The following SRGAP1 variants were observed in gnomAD, a reference collection of about 807,000 sequenced individuals.
The protein encoded by SRGAP1 is SLIT-ROBO Rho GTPase activating protein 1.
SRGAP1 carries 43 observed loss-of-function variants against 121.9 expected under a neutral mutation model. That is an observed-to-expected ratio of 0.35 (90% CI 0.28 to 0.46). The LOEUF is 0.46. Ranked by LOEUF, SRGAP1 falls within the 20% of genes least tolerant of loss-of-function variation. The probability of loss-of-function intolerance (pLI) is 1.00; values close to 1 mark genes in which losing one functional copy is unlikely to be tolerated. For missense variants in SRGAP1, 1,102 were observed against 1,350.9 expected, an observed-to-expected ratio of 0.82 and a Z score of 2.89; for synonymous variants, 447 against 485.4, an observed-to-expected ratio of 0.92 and a Z score of 1.04.
At chr12:64,103,738 T>C (rs896013594) in intron 15 of SRGAP1, among the ~76,000 whole-genome samples, 4 of 152,232 alleles carry the variant, frequency 2.6e-5, no homozygotes, top group Admixed American at 6.5e-5. Context: ...AAGACTCAGT[T>C]TCTTTACTAA....
chr12:64,000,603 A>G (rs1220924357), intron 3 of SRGAP1, among the ~76,000 whole-genome samples: 1 of 152,108 alleles, frequency 6.6e-6, no homozygotes, highest in African/African-American at 2.4e-5. Context: ...TCAGAGTGAC[A>G]CCCTGTCTAA....
chr12:63,877,553 G>A (rs1374203418), intron 1 of SRGAP1, among the ~76,000 whole-genome samples: 1 of 152,156 alleles, frequency 6.6e-6, no homozygotes, highest in African/African-American at 2.4e-5. Context: ...TTGTTGGGTA[G>A]GTGGAACATT....
chr12:64,034,017 G>T (rs983525283), intron 4 of SRGAP1, among the ~76,000 whole-genome samples: 3 of 152,156 alleles, frequency 2.0e-5, no homozygotes, highest in African/African-American at 4.8e-5. Flanking sequence ...GACAGAGTGA[G>T]ACTCTGTCTC....
Position 64,065,142 on chromosome 12 carries a change from C to G in SRGAP1, c.1048C>G (p.Pro350Ala), listed in dbSNP as rs1174245917. Residue 350 changes from proline to alanine, a missense_variant, in exon 8 of 22, where the codon CCA (proline) becomes GCA (alanine). Coordinates refer to ENST00000355086, the MANE Select transcript of SRGAP1 (RefSeq NM_020762.4). ...GGTGTGCCAGGTCAGTGCCCAGCAG[C>G]CAGTCCAGGCAGAGCTCATGCTCAG... ...DEVCQVSAQQPVQAELMLRYQ... is the reference protein window; with the variant it reads ...DEVCQVSAQQAVQAELMLRYQ... 6.2e-7 allele frequency: 1 copy of G among 1,613,352 alleles called. No individual in the cohort carries two copies. Among genetic ancestry groups the G allele is most frequent in the South Asian group, 1.1e-5 (1 of 90,932 alleles).
rs2036983311 is a variant in SRGAP1, at chr12:64,142,566, A to C, written c.3152A>C (p.Lys1051Thr). 1 of 1,614,238 alleles carries C rather than the reference A, an allele frequency of 6.2e-7. No individual in the cohort carries two copies. The highest frequency in any genetic ancestry group is 8.5e-7 in the Non-Finnish European group (1 of 1,180,048). Residue 1051 changes from lysine to threonine, a missense_variant, in exon 22 of 22, where the codon AAG becomes ACG. Physicochemically the swap from Lys to Thr is moderately conservative, Grantham distance 78 (BLOSUM62 -1). Around this residue, in one of 3 missense-constraint regions of SRGAP1, gnomAD observed 315 missense variants for 343.1 expected, o/e 0.92. Transcript: ENST00000355086. ...MVAPRMGVQL[K>T]PPALRPKPAV... ...GCACCCAGAATGGGCGTGCAGCTGA[A>C]GCCTCCAGCCCTTAGGCCAAAACCT...
chr12:63,858,543 T>C (rs55907605), intron 1 of SRGAP1, among the ~76,000 whole-genome samples: 43,034 of 151,982 alleles, frequency 0.28, 7,029 homozygotes, highest in East Asian at 0.55. Context: ...ATTTTGAAAC[T>C]TTGAAATATT....
chr12:64,139,805 A>T lies in SRGAP1; in HGVS notation c.2881-2490A>T, dbSNP rs1592357685. 4.6e-5 allele frequency among the ~76,000 whole-genome samples: 7 copies of T among 152,240 alleles called. 3 individuals are homozygous for T. The highest frequency in any genetic ancestry group is 4.6e-4 in the Admixed American group (7 of 15,284). ...CATTGCTTTTGGTGTTTTAGACATG[A>T]AGTCCTTGCCCATGCCTATGTCCTG... On this transcript the variant is annotated intron_variant, in intron 21 of 21. Coordinates refer to ENST00000355086, the MANE Select transcript of SRGAP1 (RefSeq NM_020762.4).
chr12:64,039,235 T>C (rs2034959222), intron 4 of SRGAP1, among the ~76,000 whole-genome samples: 1 of 152,200 alleles, frequency 6.6e-6, no homozygotes. Flanking sequence ...GAAATTTGCT[T>C]TCCGGAAATT....
intron 8 of SRGAP1, among the ~76,000 whole-genome samples, chr12:64,077,266 C>G (rs1030551998): frequency 6.6e-6 from 1 of 151,896 alleles, no homozygotes; most frequent in Non-Finnish European, 1.5e-5. Flanking sequence ...AAGAAAATAA[C>G]TGCTGCACAG....
At chr12:63,913,191 C>CT (rs1565947652) in intron 1 of SRGAP1, among the ~76,000 whole-genome samples, 16 of 111,800 alleles carry the variant, frequency 1.4e-4, no homozygotes, top group Non-Finnish European at 2.0e-4. Flanking sequence ...CTGGTAAATC[C>CT]TTCTTTTTTT....
At chr12:63,929,094 G>T (rs1391876933) in intron 1 of SRGAP1, among the ~76,000 whole-genome samples, 1 of 152,192 alleles carries the variant, frequency 6.6e-6, no homozygotes, top group East Asian at 1.9e-4. Flanking sequence ...TTACATGTGT[G>T]TACACAATTG....
At position 64,108,937 on chromosome 12, in the gene SRGAP1, G is replaced by A. The variant is rs1465529452; in HGVS notation, c.1819G>A (p.Asp607Asn). The change falls in exon 16 of 22, where the codon GAT becomes AAT. Residue 607 changes from aspartate to asparagine, a missense_variant. Physicochemically the swap from Asp to Asn is conservative, Grantham distance 23. This residue lies in a region of SRGAP1 where 747 missense variants were observed against 929.4 expected (regional missense o/e 0.80). Transcript: ENST00000355086. ...ATGTCATCTTCTGTCTGTAGGAATA[G>A]ATAATCTCTATGAGAGGGCGCTTCA... ...FNDLISCIRI[D>N]NLYERALHIR... 10 of 1,595,774 alleles carry A rather than the reference G, an allele frequency of 6.3e-6. No homozygotes were observed. Among genetic ancestry groups the A allele is most frequent in the Non-Finnish European group, 8.6e-6 (10 of 1,167,738 alleles).
intron 18 of SRGAP1, among the ~76,000 whole-genome samples, chr12:64,118,512 T>G (rs917231013): frequency 4.9e-4 from 74 of 152,206 alleles, no homozygotes; most frequent in Admixed American, 1.3e-4. Flanking sequence ...TTTACCTGCC[T>G]TGGCCTCCCA....
At chr12:63,885,844 A>C (rs1900363214) in intron 1 of SRGAP1, among the ~76,000 whole-genome samples, 1 of 152,188 alleles carries the variant, frequency 6.6e-6, no homozygotes, top group African/African-American at 2.4e-5. Context: ...ATGAATGCCT[A>C]CACACACACA....
Position 63,913,194 on chromosome 12 carries a change from C to CTT in SRGAP1, c.67+68340_67+68341dup, listed in dbSNP as rs759566545. ...GCAACCAATTTTCTGGTAAATCCTT[C>CTT]TTTTTTTTTTTTTTTTTTTTTTTTT... On this transcript the variant is annotated intron_variant, in intron 1 of 21. Transcript: ENST00000355086. Among the ~76,000 whole-genome samples, 523 of 59,036 alleles carry CTT rather than the reference C, an allele frequency of 8.9e-3. 47 individuals carry two copies. The highest frequency in any genetic ancestry group is 0.011 in the Non-Finnish European group (358 of 32,896). The allele number at this position is 59,036 out of a possible 152,430, so 38.7% of individuals were successfully genotyped here. A position where few individuals can be genotyped will look rare whatever the true frequency, so the allele number is the denominator to read the frequency against.
intron 17 of SRGAP1, among the ~76,000 whole-genome samples, chr12:64,114,007 T>C (rs1421220641): frequency 2.8e-5 from 4 of 142,712 alleles, no homozygotes. Context: ...AGCTGAAAGA[T>C]AGTTAAATAA....
chr12:64,001,066 A>T (rs886638837), intron 3 of SRGAP1, among the ~76,000 whole-genome samples: 1 of 152,212 alleles, frequency 6.6e-6, no homozygotes, highest in African/African-American at 2.4e-5. Flanking sequence ...ACATACACAT[A>T]CACACACAAA....
chr12:64,039,243 A>G (rs2034959390), intron 4 of SRGAP1, among the ~76,000 whole-genome samples: 2 of 152,200 alleles, frequency 1.3e-5, no homozygotes, highest in African/African-American at 2.4e-5. Flanking sequence ...CTTTCCGGAA[A>G]TTACCACCGA....
At chr12:64,116,790 A>G (rs188149083) in intron 18 of SRGAP1, among the ~76,000 whole-genome samples, 2 of 152,284 alleles carry the variant, frequency 1.3e-5, no homozygotes, top group East Asian at 1.9e-4. Context: ...GCTTTACTCT[A>G]TACTGTCAAA....
Sources: gnomAD v4.1 joint callset for allele counts (sites outside exome capture counted in the v4.1 genomes callset) on GRCh38, gnomAD v4.1.1 for gene constraint, gnomAD v4.1.1 regional missense constraint, MANE v1.5 for transcripts, NCBI Gene and HGNC (gene_info 2026-07-23, HGNC 2026-07-21) for gene names.